The following LANCL3 variants were observed in gnomAD, a reference collection of about 807,000 sequenced individuals.
LANCL3 encodes LanC like family member 3.
LANCL3 carries 19 observed loss-of-function variants against 26.5 expected under a neutral mutation model. That is an observed-to-expected ratio of 0.72 (90% CI 0.50 to 1.05). The LOEUF is 1.05. Among genes scored for constraint, LANCL3 ranks in the 50% least tolerant of loss-of-function variants. The probability of loss-of-function intolerance (pLI) is 0.00; values close to 1 mark genes in which losing one functional copy is unlikely to be tolerated. For synonymous variants in LANCL3, 160 were observed against 166.6 expected (o/e 0.96, Z 0.30); for missense variants, 318 against 362.7 (o/e 0.88, Z 1.00).
chrX:37,635,506 A>T (rs1233978922), intron 1 of LANCL3, among the ~76,000 whole-genome samples: 3 of 111,884 alleles, frequency 2.7e-5, no homozygotes, highest in Non-Finnish European at 5.6e-5. Context: ...TTTAAACATT[A>T]AAAACCATAG....
chrX:37,668,865 A>C (rs948741343), intron 4 of LANCL3, among the ~76,000 whole-genome samples: 8 of 112,301 alleles, frequency 7.1e-5, no homozygotes, highest in Admixed American at 1.9e-4. Flanking sequence ...ACAAGGTCAC[A>C]CAACCTTTAA....
intron 1 of LANCL3, among the ~76,000 whole-genome samples, chrX:37,625,966 G>A (rs1925304154): frequency 8.9e-6 from 1 of 111,891 alleles, no homozygotes; most frequent in Non-Finnish European, 1.9e-5. Flanking sequence ...AACTATGCAA[G>A]CTTTTGCTTA....
intron 1 of LANCL3, among the ~76,000 whole-genome samples, chrX:37,605,755 C>T (rs1556420477): frequency 1.8e-5 from 2 of 111,285 alleles, no homozygotes. Flanking sequence ...TACAATGACA[C>T]CTTTTTGACG....
chrX:37,621,998 A>G (rs1171444525), intron 1 of LANCL3, among the ~76,000 whole-genome samples: 1 of 111,100 alleles, frequency 9.0e-6, no homozygotes, highest in Non-Finnish European at 1.9e-5. Context: ...TTCCCAAGAC[A>G]TTATTGCCAA....
chrX:37,631,546 G>C (rs782462391), intron 1 of LANCL3, among the ~76,000 whole-genome samples: 4 of 110,549 alleles, frequency 3.6e-5, no homozygotes, highest in African/African-American at 1.3e-4. Context: ...GTGATGTTAG[G>C]GTGTCAATTT....
At chrX:37,667,510 C>CTTTTT in intron 4 of LANCL3, 21 bp downstream of exon 4, 1 of 835,219 alleles carries the variant, frequency 1.2e-6, no homozygotes, top group African/African-American at 2.3e-5. Flanking sequence ...CTTTATGGGT[C>CTTTTT]TTTTTTTTTT....
At chrX:37,626,149 C>G (rs1374081160) in intron 1 of LANCL3, among the ~76,000 whole-genome samples, 1 of 112,340 alleles carries the variant, frequency 8.9e-6, no homozygotes, top group Non-Finnish European at 1.9e-5. Flanking sequence ...CATCTTCTCA[C>G]TTCTCACGCT....
chrX:37,641,447 G>A (rs1227828120), intron 1 of LANCL3, among the ~76,000 whole-genome samples: 2 of 109,983 alleles, frequency 1.8e-5, no homozygotes, highest in African/African-American at 6.6e-5. Flanking sequence ...GACATACCCC[G>A]TAGCTTTAGG....
intron 1 of LANCL3, among the ~76,000 whole-genome samples, chrX:37,645,932 A>G (rs782405897): frequency 8.9e-6 from 1 of 111,815 alleles, no homozygotes; most frequent in Non-Finnish European, 1.9e-5. Flanking sequence ...GCCCCAATAC[A>G]CAGGACTCTC....
intron 1 of LANCL3, among the ~76,000 whole-genome samples, chrX:37,642,887 T>C (rs1213219768): frequency 8.9e-6 from 1 of 112,279 alleles, no homozygotes; most frequent in Non-Finnish European, 1.9e-5. Flanking sequence ...CCTTTCAAAA[T>C]AGGAAGGGCA....
intron 1 of LANCL3, among the ~76,000 whole-genome samples, chrX:37,618,137 C>T: frequency 8.9e-6 from 1 of 112,039 alleles, no homozygotes; most frequent in Non-Finnish European, 1.9e-5. Context: ...TGCAGGAGGC[C>T]ACAAGGCATT....
intron 1 of LANCL3, among the ~76,000 whole-genome samples, chrX:37,608,580 C>A (rs1488602057): frequency 9.0e-6 from 1 of 111,563 alleles, no homozygotes; most frequent in Non-Finnish European, 1.9e-5. Context: ...ATGGAAGGGT[C>A]TGTTAGTAAG....
chrX:37,620,966 G>T (rs1272798236), intron 1 of LANCL3, among the ~76,000 whole-genome samples: 1 of 111,349 alleles, frequency 9.0e-6, no homozygotes, highest in Non-Finnish European at 1.9e-5. Context: ...CACTTCTGGA[G>T]TGGCCTGAAG....
intron 1 of LANCL3, among the ~76,000 whole-genome samples, chrX:37,580,165 G>C (rs1209858672): frequency 6.3e-5 from 7 of 111,678 alleles, no homozygotes; most frequent in African/African-American, 2.3e-4. Flanking sequence ...GGGCAAGCTG[G>C]ATTTTTGTAG....
rs1247078536 is a variant in LANCL3 at position 37,677,813 on chromosome X, CTAAGTT to C, written c.*2003_*2008del. 2 of 112,252 alleles carry C rather than the reference CTAAGTT, an allele frequency of 1.8e-5. No homozygotes were observed. Among genetic ancestry groups the C allele is most frequent in the Non-Finnish European group, 3.8e-5 (2 of 53,136 alleles). 9.3% of individuals were successfully genotyped at this position (112,252 alleles called of 1,213,427 possible). A position where few individuals can be genotyped will look rare whatever the true frequency, so the allele number is the denominator to read the frequency against. Reference sequence around the variant, plus strand: ...GGATTCAAACCCAGGGTTTCACTTTCTAAGTTTATTTATTCAGTATTCTAGACTAGA... The same window carrying C: ...GGATTCAAACCCAGGGTTTCACTTTCTATTTATTCAGTATTCTAGACTAGA... On this transcript the variant is annotated 3_prime_UTR_variant, in exon 5 of 5. Coordinates refer to ENST00000378619, the MANE Select transcript of LANCL3 (RefSeq NM_001170331.2).
intron 1 of LANCL3, among the ~76,000 whole-genome samples, chrX:37,650,593 G>A (rs1052480989): frequency 9.4e-6 from 1 of 106,670 alleles, no homozygotes; most frequent in African/African-American, 3.4e-5. Flanking sequence ...TGGAAAATTG[G>A]TAGGAAGCCC....
intron 1 of LANCL3, among the ~76,000 whole-genome samples, chrX:37,652,018 G>A (rs1926159961): frequency 9.7e-6 from 1 of 103,120 alleles, no homozygotes; most frequent in South Asian, 4.2e-4. Flanking sequence ...TGGGATTGCT[G>A]ACAGCTTCAT....
At chrX:37,595,918 A>T (rs1201735133) in intron 1 of LANCL3, among the ~76,000 whole-genome samples, 1 of 111,998 alleles carries the variant, frequency 8.9e-6, no homozygotes, top group East Asian at 2.8e-4. Flanking sequence ...GGAGAGTAAT[A>T]TAGAAAATTG....
At chrX:37,581,093 C>T (rs782076510) in intron 1 of LANCL3, among the ~76,000 whole-genome samples, 2 of 111,369 alleles carry the variant, frequency 1.8e-5, no homozygotes, top group South Asian at 7.6e-4. Context: ...CAGGTGATGC[C>T]GCTCTTGCTG....
Sources: allele counts gnomAD v4.1 joint callset (sites outside exome capture counted in the v4.1 genomes callset), GRCh38; gene constraint gnomAD v4.1.1; transcripts MANE v1.5; gene names NCBI Gene and HGNC (gene_info 2026-07-23, HGNC 2026-07-21).